The following DYNC2H1 variants were observed in gnomAD, a reference collection of about 807,000 sequenced individuals.
DYNC2H1 encodes the protein dynein cytoplasmic 2 heavy chain 1, also known as cytoplasmic dynein 2 heavy chain 1.
Under a neutral mutation model 570.0 loss-of-function variants are expected in DYNC2H1, and 410 were observed. The observed-to-expected ratio is 0.72, with a 90% CI of 0.66 to 0.78. The LOEUF (loss-of-function observed/expected upper bound fraction) is 0.78. Among genes scored for constraint, DYNC2H1 ranks in the 30% least tolerant of loss-of-function variants. The probability of loss-of-function intolerance (pLI) is 0.00; values close to 1 mark genes in which losing one functional copy is unlikely to be tolerated. For synonymous variants in DYNC2H1, 1,688 were observed against 1,677.6 expected (o/e 1.01, Z -0.15); for missense variants, 4,865 against 5,046.4 (o/e 0.96, Z 1.09).
chr11:103,441,009 A>G (rs1478634202), intron 85 of DYNC2H1, among the ~76,000 whole-genome samples: 1 of 152,142 alleles, frequency 6.6e-6, no homozygotes, highest in Non-Finnish European at 1.5e-5. Context: ...CACAGCTCAG[A>G]TTACATCACT....
intron 84 of DYNC2H1, among the ~76,000 whole-genome samples, chr11:103,434,223 C>G (rs1943987346): frequency 6.6e-6 from 1 of 152,042 alleles, no homozygotes; most frequent in African/African-American, 2.4e-5. Flanking sequence ...ATAGTTTACA[C>G]CAGAACAGTT....
In DYNC2H1 at chr11:103,151,060, G is replaced by A. The variant is rs113119837; in HGVS notation, c.2947-1076G>A. Among the ~76,000 whole-genome samples, 3,832 of 152,098 alleles carry A rather than the reference G, an allele frequency of 0.025. 69 individuals carry two copies. Among genetic ancestry groups the A allele is most frequent in the Non-Finnish European group, 0.042 (2,866 of 67,996 alleles). The stretch of plus-strand genomic sequence containing the variant: ...CTATTTGTTGGTATGTGGATTTGAG[G>A]GGTAGGACTGGAGGTAGGTAGACTA... On this transcript the variant is annotated intron_variant, in intron 20 of 88. Coordinates refer to ENST00000375735, the MANE Select transcript of DYNC2H1 (RefSeq NM_001377.3). The surrounding 1 kb of genome is among the most constrained non-coding windows in gnomAD (Gnocchi z 4.6).
rs75556458 is a variant in DYNC2H1, at chr11:103,448,070, A to T, written c.12457-7116A>T. 4.6e-3 allele frequency among the ~76,000 whole-genome samples: 700 copies of T among 152,244 alleles called. 4 individuals carry two copies. The highest frequency in any genetic ancestry group is 0.016 in the African/African-American group (675 of 41,554). Reference sequence around the variant, plus strand: ...TTTAGCATTTGAAAATTCTTCAGAAATTTTTTCCACCTTATTGGATGCAGG... The same window carrying T: ...TTTAGCATTTGAAAATTCTTCAGAATTTTTTTCCACCTTATTGGATGCAGG... On this transcript the variant is annotated intron_variant, in intron 85 of 88. Coordinates refer to ENST00000375735, the MANE Select transcript of DYNC2H1 (RefSeq NM_001377.3).
At chr11:103,141,432 T>C (rs892450810) in intron 17 of DYNC2H1, among the ~76,000 whole-genome samples, 37 of 152,340 alleles carry the variant, frequency 2.4e-4, no homozygotes, top group African/African-American at 8.4e-4. Context: ...GACAGGACCC[T>C]CAACTGTAGG....
At chr11:103,142,231 G>A (rs972009293) in intron 17 of DYNC2H1, among the ~76,000 whole-genome samples, 4 of 152,256 alleles carry the variant, frequency 2.6e-5, no homozygotes, top group Non-Finnish European at 5.9e-5. Context: ...TGTGCCCACT[G>A]TCTGGCACTC....
At chr11:103,224,087 C>A (rs532234019) in intron 59 of DYNC2H1, among the ~76,000 whole-genome samples, 1 of 151,986 alleles carries the variant, frequency 6.6e-6, no homozygotes, top group Admixed American at 6.6e-5. Context: ...CTTCTAAGTT[C>A]TAGGAAATGC....
At chr11:103,412,941 G>T (rs6591019) in intron 84 of DYNC2H1, among the ~76,000 whole-genome samples, 14,342 of 152,006 alleles carry the variant, frequency 0.094, 1,470 homozygotes, top group African/African-American at 0.24. Context: ...TCAAAGTGTG[G>T]TCTCCAGACC....
At chr11:103,278,995 T>A (rs1371865084) in intron 70 of DYNC2H1, among the ~76,000 whole-genome samples, 2 of 152,136 alleles carry the variant, frequency 1.3e-5, no homozygotes, top group Non-Finnish European at 2.9e-5. Flanking sequence ...GAGAGTAGAG[T>A]TAGTATACTG....
chr11:103,470,549 T>C lies in DYNC2H1; in HGVS notation c.12765+1844T>C, dbSNP rs2135854252. On this transcript the variant is annotated intron_variant, in intron 88 of 88. Transcript: ENST00000375735. Reference sequence around the variant, plus strand: ...AACTCGTCATTTAGCATTAGGTATATCTCCTAATGCTATCCCTCCCACCAC... The same window carrying C: ...AACTCGTCATTTAGCATTAGGTATACCTCCTAATGCTATCCCTCCCACCAC... Among the ~76,000 whole-genome samples the C allele has an allele frequency of 1.3e-5, 2 of 152,304 alleles. 1 individual carries two copies. Among genetic ancestry groups the C allele is most frequent in the South Asian group, 4.1e-4 (2 of 4,824 alleles).
At chr11:103,142,747 C>T (rs1003283580) in intron 17 of DYNC2H1, among the ~76,000 whole-genome samples, 2 of 152,186 alleles carry the variant, frequency 1.3e-5, no homozygotes, top group Admixed American at 1.3e-4. Flanking sequence ...CTGAAGCCCT[C>T]AAATGTTACT....
At position 103,134,414 on chromosome 11, in the gene DYNC2H1, G is replaced by A; in HGVS notation, c.2200G>A (p.Ala734Thr). The A allele has an allele frequency of 6.2e-7, 1 of 1,608,494 alleles. No individual in the cohort carries two copies. Among genetic ancestry groups the A allele is most frequent in the Non-Finnish European group, 8.5e-7 (1 of 1,176,672 alleles). The stretch of plus-strand genomic sequence containing the variant: ...GAGAACTGGCTTAGCAACTGTAGAA[G>A]CACAGGTAGAGTATGTTTTATTTTG... The part of the protein sequence containing the change: ...ELRTGLATVE[A>T]QGFQASDMHA... The change falls in exon 15 of 89, where the codon GCA (alanine) becomes ACA (threonine). Residue 734 changes from alanine to threonine, a missense_variant. Transcript: ENST00000375735.
At chr11:103,144,657 A>G (rs2134836651) in intron 18 of DYNC2H1, among the ~76,000 whole-genome samples, 1 of 150,628 alleles carries the variant, frequency 6.6e-6, no homozygotes, top group African/African-American at 2.4e-5. Context: ...GGTGTAGATA[A>G]GGTATAGATC....
chr11:103,248,615 A>G (rs1279028801), intron 65 of DYNC2H1, among the ~76,000 whole-genome samples: 3 of 152,072 alleles, frequency 2.0e-5, no homozygotes, highest in African/African-American at 7.2e-5. Flanking sequence ...GTAAACCTTC[A>G]GCAGCATTGG....
chr11:103,229,901 A>T (rs1456295913), intron 59 of DYNC2H1, among the ~76,000 whole-genome samples: 2 of 152,196 alleles, frequency 1.3e-5, no homozygotes, highest in Admixed American at 6.5e-5. Flanking sequence ...TTTAGCTCAC[A>T]ATTTTGAAGG....
chr11:103,188,546 T>C lies in DYNC2H1; in HGVS notation c.7190T>C (p.Leu2397Pro). Residue 2397 changes from leucine to proline, a missense_variant, in exon 44 of 89, where the codon CTA becomes CCA. Around this residue, in one of 5 missense-constraint regions of DYNC2H1, gnomAD observed 2,401 missense variants for 2,454.6 expected, o/e 0.98. Coordinates refer to ENST00000375735, the MANE Select transcript of DYNC2H1 (RefSeq NM_001377.3). Reference sequence around the variant, plus strand: ...GATGAAAATTTGGAATGGGTTGGTCTAGAAAATATTCAAATTGTGGCTTCT... The same window carrying C: ...GATGAAAATTTGGAATGGGTTGGTCCAGAAAATATTCAAATTGTGGCTTCT... ...FYDENLEWVG[L>P]ENIQIVASMS... 6.2e-7 allele frequency: 1 copy of C among 1,610,318 alleles called. No homozygotes were observed. The highest frequency in any genetic ancestry group is 8.5e-7 in the Non-Finnish European group (1 of 1,177,594).
chr11:103,168,308 G>A (rs1861419555), intron 31 of DYNC2H1, among the ~76,000 whole-genome samples: 1 of 152,144 alleles, frequency 6.6e-6, no homozygotes, highest in African/African-American at 2.4e-5. Context: ...CATTGGGTAT[G>A]GCCCTAGCGT....
intron 3 of DYNC2H1, among the ~76,000 whole-genome samples, chr11:103,114,512 G>C (rs765270624): frequency 1.6e-4 from 24 of 152,266 alleles, no homozygotes; most frequent in Middle Eastern, 3.4e-3. Context: ...TAGAGATGGG[G>C]TCTTGCTGTA....
intron 17 of DYNC2H1, among the ~76,000 whole-genome samples, chr11:103,138,260 C>T (rs1859685447): frequency 6.6e-6 from 1 of 151,946 alleles, no homozygotes; most frequent in African/African-American, 2.4e-5. Flanking sequence ...ACTTCCAACA[C>T]TATGTTGAAT....
intron 84 of DYNC2H1, among the ~76,000 whole-genome samples, chr11:103,428,544 G>A (rs764168063): frequency 6.6e-6 from 1 of 152,130 alleles, no homozygotes; most frequent in Non-Finnish European, 1.5e-5. Context: ...ATACAGTTCA[G>A]TAGTGCAAAG....
Sources: gnomAD v4.1 joint callset for allele counts (sites outside exome capture counted in the v4.1 genomes callset) on GRCh38, gnomAD v4.1.1 for gene constraint, gnomAD v4.1.1 regional missense constraint, Gnocchi (gnomAD v3.1) non-coding constraint, MANE v1.5 for transcripts, NCBI Gene and HGNC (gene_info 2026-07-23, HGNC 2026-07-21) for gene names.